Variants in JMY observed in about 807,000 individuals in gnomAD.
JMY encodes the protein junction-mediating and -regulatory protein.
JMY carries 46 observed loss-of-function variants against 103.3 expected under a neutral mutation model. The observed-to-expected ratio is 0.45, with a 90% CI of 0.35 to 0.57. JMY has a LOEUF of 0.57. Ranked by LOEUF, JMY falls within the 20% of genes least tolerant of loss-of-function variation. JMY has a pLI of 0.00. For missense variants in JMY, 1,238 were observed against 1,255.2 expected (o/e 0.99, Z 0.21); for synonymous variants, 526 against 489.3 (o/e 1.07, Z -0.99).
chr5:79,262,073 T>A (rs2112067165), intron 1 of JMY, among the ~76,000 whole-genome samples: 1 of 152,360 alleles, frequency 6.6e-6, no homozygotes, highest in East Asian at 1.9e-4. Context: ...AATCCTGCTG[T>A]GGCCGTTTTT....
intron 9 of JMY, among the ~76,000 whole-genome samples, chr5:79,315,770 T>C (rs1747198922): frequency 6.6e-6 from 1 of 152,180 alleles, no homozygotes; most frequent in South Asian, 2.1e-4. Flanking sequence ...TAGGAAATGA[T>C]AGGAATACCA....
chr5:79,259,767 A>G (rs1402166556), intron 1 of JMY, among the ~76,000 whole-genome samples: 1 of 152,172 alleles, frequency 6.6e-6, no homozygotes, highest in East Asian at 1.9e-4. Flanking sequence ...AGGCGCTGAT[A>G]TTGAGGAAAG....
At chr5:79,300,420 G>A (rs913821856) in intron 5 of JMY, 102 bp downstream of exon 5, 35 of 1,201,790 alleles carry the variant, frequency 2.9e-5, no homozygotes, top group Middle Eastern at 2.9e-4. Context: ...TTAAAAAATT[G>A]TTTTCTGTAG....
chr5:79,283,992 A>G, intron 2 of JMY: 1 of 542,234 alleles, frequency 1.8e-6, no homozygotes, highest in South Asian at 3.6e-5. Flanking sequence ...TTGTATTTGT[A>G]GCTATAAACA....
In JMY at chr5:79,326,846, CAG is replaced by C. The variant is rs1280598039; in HGVS notation, c.*5245_*5246del. 5 of 152,182 alleles carry C rather than the reference CAG, an allele frequency of 3.3e-5. No homozygotes were observed. Among genetic ancestry groups the C allele is most frequent in the African/African-American group, 4.8e-5 (2 of 41,458 alleles). The allele number at this position is 152,182 out of a possible 1,614,324, so 9.4% of individuals were successfully genotyped here. On this transcript the variant is annotated 3_prime_UTR_variant, in exon 11 of 11. Coordinates refer to ENST00000396137, the MANE Select transcript of JMY (RefSeq NM_152405.5). ...CTTTAGTACCATTACATTAAATGGA[CAG>C]TGTGCACAGTGTATTGTAAATGCCA...
At chr5:79,316,522 A>C (rs1308331191) in intron 10 of JMY, among the ~76,000 whole-genome samples, 10 of 152,116 alleles carry the variant, frequency 6.6e-5, no homozygotes, top group Admixed American at 1.3e-4. Context: ...TGCTATGTAA[A>C]TACTATTTTT....
intron 1 of JMY, among the ~76,000 whole-genome samples, chr5:79,247,884 A>T (rs915163257): frequency 1.4e-5 from 2 of 144,082 alleles, no homozygotes; most frequent in Non-Finnish European, 3.0e-5. Context: ...ATTTTATTTT[A>T]TATTTTATTT....
chr5:79,275,156 GTTT>G (rs113713043), intron 1 of JMY, among the ~76,000 whole-genome samples: 3 of 133,682 alleles, frequency 2.2e-5, no homozygotes, highest in Non-Finnish European at 1.6e-5. Flanking sequence ...GTTTCTGAGG[GTTT>G]TTTTTTTTTT....
intron 1 of JMY, among the ~76,000 whole-genome samples, chr5:79,259,121 C>T (rs1745341622): frequency 1.3e-5 from 2 of 152,100 alleles, no homozygotes; most frequent in Admixed American, 6.5e-5. Flanking sequence ...AGCTGGTTGT[C>T]CCATCATTTC....
At chr5:79,265,573 TCTGTAGACTAAAGATTAAACAGG>T (rs1220192808) in intron 1 of JMY, among the ~76,000 whole-genome samples, 200 of 152,272 alleles carry the variant, frequency 1.3e-3, no homozygotes, top group African/African-American at 4.3e-3. Context: ...TGAATTGAAC[TCTGTAGACTAAAGATTAAACAGG>T]ACGGATTGAC....
intron 2 of JMY, among the ~76,000 whole-genome samples, chr5:79,278,585 C>CCAA (rs1746015850): frequency 5.2e-5 from 3 of 57,282 alleles, no homozygotes; most frequent in African/African-American, 6.8e-5. Flanking sequence ...CCCGTCTCTA[C>CCAA]AAAAAAAAAA....
intron 2 of JMY, among the ~76,000 whole-genome samples, chr5:79,281,710 A>G (rs1746121868): frequency 6.6e-6 from 1 of 152,266 alleles, no homozygotes. Flanking sequence ...GGCACGAAGA[A>G]TCTTTTGGAG....
At chr5:79,245,142 A>T (rs988269478) in intron 1 of JMY, among the ~76,000 whole-genome samples, 10 of 152,220 alleles carry the variant, frequency 6.6e-5, no homozygotes. Flanking sequence ...CTGATGGGTT[A>T]GACATTTCAC....
intron 2 of JMY, among the ~76,000 whole-genome samples, chr5:79,282,213 T>TA (rs910532044): frequency 1.1e-4 from 16 of 147,538 alleles, no homozygotes; most frequent in East Asian, 7.9e-4. Context: ...TCTCAAAAAA[T>TA]AAAAAAAAAA....
chr5:79,249,360 A>G (rs1745006707), intron 1 of JMY, among the ~76,000 whole-genome samples: 1 of 152,204 alleles, frequency 6.6e-6, no homozygotes, highest in East Asian at 1.9e-4. Flanking sequence ...TTACACTTGA[A>G]AATTTCATGG....
intron 7 of JMY, among the ~76,000 whole-genome samples, chr5:79,311,148 CTT>C (rs35187257): frequency 0.037 from 4,645 of 126,104 alleles, 81 homozygotes; most frequent in East Asian, 0.063. Context: ...ACCACACCTT[CTT>C]TTTTTTTTTT....
rs1188939244 is a variant in JMY at position 79,325,285 on chromosome 5, G to C, written c.*3683G>C. On this transcript the variant is annotated 3_prime_UTR_variant, in exon 11 of 11. Coordinates refer to ENST00000396137, the MANE Select transcript of JMY (RefSeq NM_152405.5). ...TACAAACTTAACATCAGATACCAAT[G>C]TGTAAAAAGTACTATTGGGTCCTTA... 3.3e-5 allele frequency: 5 copies of C among 152,098 alleles called. No homozygotes were observed. The highest frequency in any genetic ancestry group is 7.4e-5 in the Non-Finnish European group (5 of 68,004). 9.4% of individuals were successfully genotyped at this position (152,098 alleles called of 1,614,324 possible).
chr5:79,312,225 CTTTCATATTTCATGT>C (rs1747069183), intron 7 of JMY, among the ~76,000 whole-genome samples, 163 bp from the exon 8 acceptor site: 1 of 152,024 alleles, frequency 6.6e-6, no homozygotes, highest in South Asian at 2.1e-4. Flanking sequence ...ATGTTTCATG[CTTTCATATTTCATGT>C]TTCATGAAGT....
chr5:79,300,625 A>G (rs1199409253), intron 5 of JMY, 51 bp from the exon 6 acceptor site: 1 of 1,439,086 alleles, frequency 6.9e-7, no homozygotes, highest in African/African-American at 1.4e-5. Context: ...GTTCTTTCCA[A>G]ACCCTAGCCC....
Sources: gnomAD v4.1 joint callset for allele counts (sites outside exome capture counted in the v4.1 genomes callset) on GRCh38, gnomAD v4.1.1 for gene constraint, MANE v1.5 for transcripts, NCBI Gene and HGNC (gene_info 2026-07-23, HGNC 2026-07-21) for gene names.